The following PRSS23 variants were observed in gnomAD, a reference collection of about 807,000 sequenced individuals.
PRSS23 encodes protease, serine 23.
In PRSS23, 25 loss-of-function variants were observed where a neutral mutation model predicts 34.7. The ratio of observed to expected loss-of-function variants is 0.72; its 90% confidence interval spans 0.53 to 1.01. The LOEUF (loss-of-function observed/expected upper bound fraction) is 1.01. PRSS23 is among the 50% of genes least tolerant of loss of function. The pLI is 0.00. For synonymous variants in PRSS23, 176 were observed against 186.6 expected, an observed-to-expected ratio of 0.94 and a Z score of 0.46; for missense variants, 445 against 475.6, an observed-to-expected ratio of 0.94 and a Z score of 0.60.
intron 2 of PRSS23, among the ~76,000 whole-genome samples, chr11:86,908,640 C>T (rs1377666641): frequency 2.6e-5 from 4 of 152,026 alleles, no homozygotes; most frequent in African/African-American, 7.3e-5. Context: ...ATTACAGAAA[C>T]TTTGCGGTCC....
chr11:86,932,563 T>G (rs771115647), intron 2 of PRSS23: 1 of 152,008 alleles, frequency 6.6e-6, no homozygotes, highest in Non-Finnish European at 1.5e-5. Flanking sequence ...TCTGAAGAAC[T>G]GTTCACTCAC....
chr11:86,840,179 C>T (rs1344785248), intron 2 of PRSS23, among the ~76,000 whole-genome samples: 1 of 152,114 alleles, frequency 6.6e-6, no homozygotes, highest in Non-Finnish European at 1.5e-5. Flanking sequence ...AGTCAAGACC[C>T]ATCAGTGTGC....
intron 2 of PRSS23, chr11:86,945,590 AAC>A (rs1427580562): frequency 6.6e-6 from 1 of 152,298 alleles, no homozygotes; most frequent in African/African-American, 2.4e-5. Flanking sequence ...CTGCCCTACA[AAC>A]TGAATCCTCT....
chr11:86,879,454 G>C (rs1280476602), intron 2 of PRSS23, among the ~76,000 whole-genome samples: 1 of 151,636 alleles, frequency 6.6e-6, no homozygotes, highest in Non-Finnish European at 1.5e-5. Flanking sequence ...AGGGAGGTGG[G>C]GGTCAGCCCC....
intron 2 of PRSS23, among the ~76,000 whole-genome samples, chr11:86,823,955 G>A (rs1285508787): frequency 1.6e-5 from 2 of 125,412 alleles, no homozygotes; most frequent in Non-Finnish European, 3.2e-5. Context: ...GCAGTGAGCC[G>A]AGATCGCGCC....
rs71274421 is a variant in PRSS23, at chr11:86,834,553, TTTTCCTTTCCTTTCCTTTCCTTTCC to T, written c.206+10997_206+11021del. 6.8e-4 allele frequency among the ~76,000 whole-genome samples: 55 copies of T among 81,002 alleles called. 1 individual carries two copies. The highest frequency in any genetic ancestry group is 1.9e-3 in the Admixed American group (13 of 6,858). 53.1% of individuals were successfully genotyped at this position (81,002 alleles called of 152,430 possible). A position where few individuals can be genotyped will look rare whatever the true frequency, so the allele number is the denominator to read the frequency against. On this transcript the variant is annotated intron_variant, in intron 2 of 2. Transcript: ENST00000533902. ...TTCCTTTCCTTTCCTTTCCTTTCCT[TTTTCCTTTCCTTTCCTTTCCTTTCC>T]TTTCCTTTCCTTTCCTTTCCTTTCC... is the stretch of plus-strand genomic sequence containing the variant.
intron 2 of PRSS23, chr11:86,832,560 T>G (rs1056620997): frequency 2.2e-6 from 1 of 455,152 alleles, no homozygotes; most frequent in African/African-American, 2.0e-5. Flanking sequence ...CACAGGACCC[T>G]TTTGATGTCC....
intron 2 of PRSS23, among the ~76,000 whole-genome samples, chr11:86,846,286 C>G (rs1161235034): frequency 6.6e-6 from 1 of 152,172 alleles, no homozygotes; most frequent in African/African-American, 2.4e-5. Context: ...GATCATCACA[C>G]TGTGAGTACA....
At chr11:86,931,395 G>C (rs1235253791) in intron 2 of PRSS23, among the ~76,000 whole-genome samples, 2 of 151,846 alleles carry the variant, frequency 1.3e-5, no homozygotes, top group African/African-American at 4.8e-5. Flanking sequence ...TTCTACAATG[G>C]CATACCACTC....
At chr11:86,827,855 G>A (rs1948315755) in intron 2 of PRSS23, among the ~76,000 whole-genome samples, 1 of 152,208 alleles carries the variant, frequency 6.6e-6, no homozygotes, top group Admixed American at 6.5e-5. Context: ...TGTGGTCTGA[G>A]AGACAGTTTG....
At chr11:86,857,378 G>A (rs1229626068) in intron 2 of PRSS23, 4 of 262,224 alleles carry the variant, frequency 1.5e-5, no homozygotes, top group Non-Finnish European at 2.9e-5. Context: ...GAAATGGGAA[G>A]AAAACCAAAT....
At chr11:86,836,991 A>C (rs555187699) in intron 2 of PRSS23, 2 of 152,246 alleles carry the variant, frequency 1.3e-5, no homozygotes, top group Admixed American at 1.3e-4. Context: ...CAATTTTTTT[A>C]TAATTCTTTT....
intron 2 of PRSS23, among the ~76,000 whole-genome samples, chr11:86,898,315 A>T (rs1057352986): frequency 1.3e-5 from 2 of 152,244 alleles, no homozygotes; most frequent in African/African-American, 4.8e-5. Flanking sequence ...CAAGTGAATT[A>T]TTATAACTTA....
At chr11:86,914,940 A>T (rs1410226881) in intron 2 of PRSS23, among the ~76,000 whole-genome samples, 2 of 152,228 alleles carry the variant, frequency 1.3e-5, no homozygotes, top group Non-Finnish European at 2.9e-5. Context: ...GGGCACAAAT[A>T]ACCACGAGGG....
chr11:86,928,239 GTATA>G (rs1188579343), intron 2 of PRSS23, among the ~76,000 whole-genome samples: 2 of 147,030 alleles, frequency 1.4e-5, no homozygotes, highest in African/African-American at 5.0e-5. Context: ...TTATATATAA[GTATA>G]TGTATTTATT....
intron 2 of PRSS23, among the ~76,000 whole-genome samples, chr11:86,877,112 G>A (rs1053176637): frequency 6.6e-6 from 1 of 152,190 alleles, no homozygotes; most frequent in Non-Finnish European, 1.5e-5. Flanking sequence ...CAGTATAAGT[G>A]TTTAGCCCTC....
chr11:86,808,079 C>T lies in PRSS23; in HGVS notation c.436C>T (p.Leu146Phe), dbSNP rs1383309567. ...RFSIFGKDFL[L>F]NYPFSTSVKL... ...CAGCATTTTTGGGAAGGACTTCCTG[C>T]TCAACTACCCTTTCTCAACATCAGT... The change falls in exon 2 of 2, where the codon CTC (leucine) becomes TTC (phenylalanine). Residue 146 changes from leucine (L) to phenylalanine (F), a missense_variant. Leu to Phe is a conservative substitution (Grantham distance 22). Coordinates refer to ENST00000280258, the MANE Select transcript of PRSS23 (RefSeq NM_007173.6). 6.2e-7 allele frequency: 1 copy of T among 1,614,004 alleles called. No individual in the cohort carries two copies. The highest frequency in any genetic ancestry group is 8.5e-7 in the Non-Finnish European group (1 of 1,180,034).
chr11:86,842,350 G>GC (rs1948454838), intron 2 of PRSS23, among the ~76,000 whole-genome samples: 1 of 152,188 alleles, frequency 6.6e-6, no homozygotes, highest in African/African-American at 2.4e-5. Flanking sequence ...ACAACTGGAA[G>GC]CATTCCCTTT....
chr11:86,906,380 C>G (rs1948942918), intron 2 of PRSS23, among the ~76,000 whole-genome samples: 1 of 97,260 alleles, frequency 1.0e-5, no homozygotes, highest in South Asian at 2.9e-4. Flanking sequence ...CCAGGATCCC[C>G]CTGAGGCTGC....
Sources: gnomAD v4.1 joint callset for allele counts (sites outside exome capture counted in the v4.1 genomes callset) on GRCh38, gnomAD v4.1.1 for gene constraint, MANE v1.5 for transcripts, NCBI Gene and HGNC (gene_info 2026-07-23, HGNC 2026-07-21) for gene names.